CFAP46: variants seen among roughly 807,000 people sequenced by gnomAD.
CFAP46 encodes cilia and flagella associated protein 46.
Under a neutral mutation model 325.7 loss-of-function variants are expected in CFAP46, and 245 were observed. The ratio of observed to expected loss-of-function variants is 0.75; its 90% CI spans 0.68 to 0.84. CFAP46 has a LOEUF of 0.84. Among genes scored for constraint, CFAP46 ranks in the 40% least tolerant of loss-of-function variants. CFAP46 has a pLI of 0.00. For synonymous variants in CFAP46, 1,523 were observed against 1,495.9 expected (o/e 1.02, Z -0.42); for missense variants, 3,346 against 3,543.0 (o/e 0.94, Z 1.41).
chr10:132,892,296 A>C, intron 25 of CFAP46, 37 bp downstream of exon 25: 1 of 1,539,550 alleles, frequency 6.5e-7, no homozygotes, highest in Non-Finnish European at 8.8e-7. Context: ...CTTTCCTTGT[A>C]CCTGGAGCCT....
chr10:132,808,902 C>T lies in CFAP46; in HGVS notation c.7667G>A (p.Arg2556Gln), dbSNP rs772201231. The T allele has an allele frequency of 2.8e-5, 44 of 1,581,688 alleles. No individual in the cohort carries two copies. The highest frequency in any genetic ancestry group is 4.5e-5 in the East Asian group (2 of 44,232). ...DEWRRGGEPR[R>Q]GFSDLEGQAA... ...TTGTCCTTCAAGGTCTGAGAAGCCTCGTCTGTGGAGAAAGGGGCGGGAGCT... is the reference window on the plus strand; with the variant it reads ...TTGTCCTTCAAGGTCTGAGAAGCCTTGTCTGTGGAGAAAGGGGCGGGAGCT... Residue 2556 changes from arginine (R) to glutamine (Q), a missense_variant and splice_region_variant, in exon 58 of 58, where the codon CGA becomes CAA. Arg to Gln is a conservative substitution (Grantham distance 43). Transcript: ENST00000368586. This position sits in a 1 kb window ranked among gnomAD's most constrained non-coding sequence, Gnocchi z 6.8.
intron 50 of CFAP46, among the ~76,000 whole-genome samples, chr10:132,822,947 CTG>C (rs1364492980): frequency 1.3e-4 from 14 of 111,880 alleles, no homozygotes; most frequent in South Asian, 6.4e-4. Context: ...GCACTGTGTG[CTG>C]TGTGTGTGGT....
intron 39 of CFAP46, among the ~76,000 whole-genome samples, chr10:132,855,581 C>A (rs2135182708): frequency 1.3e-5 from 2 of 152,272 alleles, no homozygotes; most frequent in South Asian, 4.1e-4. Flanking sequence ...CTGTTGGTCT[C>A]ACCTGTCCTT....
intron 33 of CFAP46, among the ~76,000 whole-genome samples, chr10:132,868,838 T>C (rs987858912): frequency 3.9e-5 from 6 of 152,252 alleles, no homozygotes; most frequent in Non-Finnish European, 1.5e-5. Context: ...CTAAAAGTGA[T>C]TTGCTACACT....
At chr10:132,837,488 TACACAGATGC>T (rs1306766080) in intron 44 of CFAP46, among the ~76,000 whole-genome samples, 1 of 100,682 alleles carries the variant, frequency 9.9e-6, no homozygotes, top group Non-Finnish European at 2.0e-5. Flanking sequence ...CATGCACACG[TACACAGATGC>T]ACACAGACGC....
rs1380327002 is a variant in CFAP46 at position 132,850,410 on chromosome 10, G to C, written c.5786C>G (p.Thr1929Ser). Residue 1929 changes from threonine to serine, a missense_variant, in exon 41 of 58, where the codon ACT becomes AGT. Thr to Ser is a moderately conservative substitution (Grantham distance 58). Transcript: ENST00000368586. ...CTGTGCCAGTGCCCCGTGTGCTAGA[G>C]TCCGCTTCAGCGTGAACCATTGCTT... ...VGLQWFTLKR[T>S]LAHGALAQLG... is the part of the protein sequence containing the mutation. The C allele has an allele frequency of 6.3e-7, 1 of 1,577,178 alleles. No individual in the cohort carries two copies. The highest frequency in any genetic ancestry group is 1.2e-5 in the South Asian group (1 of 86,444).
intron 25 of CFAP46, among the ~76,000 whole-genome samples, chr10:132,890,629 G>A (rs1165280585): frequency 9.9e-5 from 15 of 152,032 alleles, no homozygotes; most frequent in Admixed American, 9.2e-4. Context: ...CAAAACCCTC[G>A]AGACCCCTAT....
chr10:132,847,058 C>T lies in CFAP46; in HGVS notation c.6141G>A (p.Leu2047=), dbSNP rs1848450060. 6.2e-7 allele frequency: 1 copy of T among 1,612,544 alleles called. No individual in the cohort carries two copies. The highest frequency in any genetic ancestry group is 1.3e-5 in the African/African-American group (1 of 74,936). The change falls in exon 43 of 58, where the codon CTG becomes CTA. Residue 2047 remains leucine, a synonymous_variant. Coordinates refer to ENST00000368586, the MANE Select transcript of CFAP46 (RefSeq NM_001200049.3). The surrounding 1 kb of genome is among the most constrained non-coding windows in gnomAD (Gnocchi z 5.2). Reference sequence around the variant, plus strand: ...TGCCAAGGGCCACCTGTAGGCACTGCAGCAGCACCTCTGACGCCTGAGCCA... The same window carrying T: ...TGCCAAGGGCCACCTGTAGGCACTGTAGCAGCACCTCTGACGCCTGAGCCA... The part of the protein sequence containing the change: ...QYLAQASEVL[L]QCLQVALGSG...
chr10:132,892,853 T>C (rs1849273472), intron 24 of CFAP46, among the ~76,000 whole-genome samples: 1 of 152,160 alleles, frequency 6.6e-6, no homozygotes, highest in Non-Finnish European at 1.5e-5. Context: ...TTCATTTTGT[T>C]ATAGTAGGTA....
chr10:132,819,314 T>G (rs1461838106), intron 50 of CFAP46, among the ~76,000 whole-genome samples: 3 of 152,222 alleles, frequency 2.0e-5, no homozygotes, highest in African/African-American at 7.2e-5. Flanking sequence ...TCTTTTTAAT[T>G]GCCCATATTA....
At chr10:132,887,322 CCT>C (rs1440383620) in intron 25 of CFAP46, among the ~76,000 whole-genome samples, 7 of 111,482 alleles carry the variant, frequency 6.3e-5, no homozygotes, top group African/African-American at 2.5e-4. Context: ...TCCCCTCTCT[CCT>C]CTCTCGCTTC....
intron 25 of CFAP46, among the ~76,000 whole-genome samples, chr10:132,888,595 C>T (rs1205118723): frequency 1.8e-5 from 1 of 55,950 alleles, no homozygotes; most frequent in Non-Finnish European, 3.6e-5. Flanking sequence ...CTGCCGCCTG[C>T]ACCCCTGCCA....
At position 132,908,803 on chromosome 10, in the gene CFAP46, CCT is replaced by C. The variant is rs1564796980; in HGVS notation, c.2758-171_2758-170del. ...TGCCACGTCCGTGCCTGTGAGGACC[CCT>C]GATGTCCTTGTAGCTCCCACACCCC... On this transcript the variant is annotated intron_variant, in intron 21 of 57. Transcript: ENST00000368586. 5.3e-5 allele frequency among the ~76,000 whole-genome samples: 8 copies of C among 152,364 alleles called. No homozygotes were observed. In the South Asian group the frequency reaches 1.7e-3, roughly 32 times the overall value.
intron 50 of CFAP46, among the ~76,000 whole-genome samples, chr10:132,816,861 C>T (rs1462233983): frequency 1.3e-5 from 2 of 152,174 alleles, no homozygotes; most frequent in African/African-American, 2.4e-5. Flanking sequence ...CCTTCGGGAA[C>T]TGCTTTCTAC....
chr10:132,938,763 G>A lies in CFAP46; in HGVS notation c.372-10C>T, dbSNP rs373738218. 4.5e-5 allele frequency: 72 copies of A among 1,609,228 alleles called. No homozygotes were observed. Among genetic ancestry groups the A allele is most frequent in the South Asian group, 5.5e-5 (5 of 90,832 alleles). On this transcript the variant is annotated splice_polypyrimidine_tract_variant and intron_variant, in intron 4 of 57. Coordinates refer to ENST00000368586, the MANE Select transcript of CFAP46 (RefSeq NM_001200049.3). ...CACCAAAAAGTAGTACCTGCGGCGCGAGCAGAGGAAGCAGAGAGCACGCTC... is the reference window on the plus strand; with the variant it reads ...CACCAAAAAGTAGTACCTGCGGCGCAAGCAGAGGAAGCAGAGAGCACGCTC...
chr10:132,826,900 G>A (rs1363148502), intron 50 of CFAP46, among the ~76,000 whole-genome samples: 1 of 152,254 alleles, frequency 6.6e-6, no homozygotes, highest in Non-Finnish European at 1.5e-5. Context: ...GTACAGTCAG[G>A]AGGGTGGGCG....
rs1315194671 is a variant in CFAP46 at position 132,900,256 on chromosome 10, C to T, written c.2925-590G>A. Among the ~76,000 whole-genome samples the T allele has an allele frequency of 2.6e-5, 4 of 152,326 alleles. 1 individual carries two copies. The highest frequency in any genetic ancestry group is 9.6e-5 in the African/African-American group (4 of 41,576). ...CCAAGCCCACATGGAAGTCTGGCCC[C>T]AGAAGGTCCACTCTGCACCCAGAGC... is the stretch of plus-strand genomic sequence containing the variant. On this transcript the variant is annotated intron_variant, in intron 22 of 57. Transcript: ENST00000368586.
At chr10:132,822,494 C>CAG (rs1847883654) in intron 50 of CFAP46, among the ~76,000 whole-genome samples, 4 of 98,442 alleles carry the variant, frequency 4.1e-5, no homozygotes, top group African/African-American at 8.1e-5. Flanking sequence ...GCTGTGTGTG[C>CAG]TGATGTGTGC....
At chr10:132,903,188 A>C (rs905436991) in intron 22 of CFAP46, among the ~76,000 whole-genome samples, 12 of 152,036 alleles carry the variant, frequency 7.9e-5, no homozygotes, top group African/African-American at 2.7e-4. Flanking sequence ...GTTACGCCCC[A>C]ATGTGAGCTG....
Sources: gnomAD v4.1 joint callset for allele counts (sites outside exome capture counted in the v4.1 genomes callset) on GRCh38, gnomAD v4.1.1 for gene constraint, Gnocchi (gnomAD v3.1) non-coding constraint, MANE v1.5 for transcripts, NCBI Gene and HGNC (gene_info 2026-07-23, HGNC 2026-07-21) for gene names.